The following TLE4 variants were observed in gnomAD, a reference collection of about 807,000 sequenced individuals.
The protein encoded by TLE4 is transducin-like enhancer protein 4.
A neutral mutation model predicts 92.8 loss-of-function variants in TLE4; 8 were observed. The ratio of observed to expected loss-of-function variants is 0.09; its 90% CI spans 0.05 to 0.16. TLE4 has a LOEUF of 0.16. Ranked by LOEUF, TLE4 falls within the 10% of genes least tolerant of loss-of-function variation. The pLI is 1.00. For missense variants in TLE4, 675 were observed against 997.6 expected, an observed-to-expected ratio of 0.68 and a Z score of 4.36; for synonymous variants, 371 against 374.1, an observed-to-expected ratio of 0.99 and a Z score of 0.10.
intron 8 of TLE4, among the ~76,000 whole-genome samples, chr9:79,657,673 G>A (rs1388547007): frequency 6.6e-6 from 1 of 152,194 alleles, no homozygotes; most frequent in Non-Finnish European, 1.5e-5. Flanking sequence ...AGCTGTGAAG[G>A]CCAAAATTGC....
chr9:79,639,168 G>T (rs1388658955), intron 6 of TLE4, among the ~76,000 whole-genome samples: 2 of 152,088 alleles, frequency 1.3e-5, no homozygotes, highest in Non-Finnish European at 2.9e-5. Context: ...TTTGAGGGAT[G>T]CCACATGAAT....
intron 6 of TLE4, among the ~76,000 whole-genome samples, chr9:79,642,959 C>G (rs539656491): frequency 3.5e-4 from 54 of 152,180 alleles, no homozygotes; most frequent in Non-Finnish European, 7.2e-4. Flanking sequence ...TAGTAAATCT[C>G]ATGTTGTAAG....
At chr9:79,622,626 G>A (rs1281302302) in intron 5 of TLE4, among the ~76,000 whole-genome samples, 1 of 152,086 alleles carries the variant, frequency 6.6e-6, no homozygotes, top group Admixed American at 6.5e-5. Context: ...TTCACTGACT[G>A]TTTTCCTTGA....
At chr9:79,612,562 A>T in intron 4 of TLE4, 94 bp from the exon 5 acceptor site, 1 of 1,159,742 alleles carries the variant, frequency 8.6e-7, no homozygotes, top group South Asian at 1.2e-5. Flanking sequence ...GCCAAATTAT[A>T]AAGTATGTTT....
At chr9:79,718,994 G>T (rs2075100678) in intron 15 of TLE4, 23 bp downstream of exon 15, 1 of 1,588,628 alleles carries the variant, frequency 6.3e-7, no homozygotes, top group Non-Finnish European at 8.6e-7. Context: ...GGATGAACAA[G>T]ACTTAGACTT....
intron 4 of TLE4, among the ~76,000 whole-genome samples, chr9:79,582,390 C>G (rs1435549349): frequency 6.6e-6 from 1 of 152,144 alleles, no homozygotes; most frequent in Non-Finnish European, 1.5e-5. Context: ...TCACTTTGAT[C>G]TGTGTAGGAA....
intron 4 of TLE4, among the ~76,000 whole-genome samples, chr9:79,609,048 T>A: frequency 6.6e-6 from 1 of 152,094 alleles, no homozygotes; most frequent in Non-Finnish European, 1.5e-5. Flanking sequence ...ATGTATTTGG[T>A]ATTGTGTGCG....
At chr9:79,661,444 G>A (rs571222472) in intron 8 of TLE4, among the ~76,000 whole-genome samples, 1 of 152,220 alleles carries the variant, frequency 6.6e-6, no homozygotes, top group East Asian at 1.9e-4. Context: ...CTTTAATAAG[G>A]GCTGTAATTT....
At chr9:79,721,104 C>T (rs1056909845) in intron 16 of TLE4, among the ~76,000 whole-genome samples, 2 of 152,174 alleles carry the variant, frequency 1.3e-5, no homozygotes, top group African/African-American at 4.8e-5. Context: ...CTATAGATCC[C>T]AAAACAAATC....
chr9:79,655,838 C>G (rs768702635), intron 8 of TLE4, among the ~76,000 whole-genome samples: 14 of 152,152 alleles, frequency 9.2e-5, no homozygotes, highest in Non-Finnish European at 1.3e-4. Context: ...GTCCAGTGAA[C>G]TAAACAAAAG....
At chr9:79,576,392 A>T (rs2037770478) in intron 4 of TLE4, 3 of 343,960 alleles carry the variant, frequency 8.7e-6, no homozygotes, top group Non-Finnish European at 1.6e-5. Flanking sequence ...TATTTTAAAA[A>T]GTCTGAATAC....
In TLE4 at chr9:79,606,392, ATACT is replaced by A. The variant is rs1347831003; in HGVS notation, c.253-6262_253-6259del. Among the ~76,000 whole-genome samples, 4 of 135,564 alleles carry A rather than the reference ATACT, an allele frequency of 3.0e-5. 1 individual carries two copies. The Middle Eastern group carries it at 0.011, about 385-fold the overall frequency. 88.9% of individuals were successfully genotyped at this position (135,564 alleles called of 152,430 possible). ...GTGTGTGTTTTTTTTTTTTTTTTAAATACTTTTTAAGTTCTAGGGTGCATGTGCA... is the reference window on the plus strand; with the variant it reads ...GTGTGTGTTTTTTTTTTTTTTTTAAATTTTAAGTTCTAGGGTGCATGTGCA... On this transcript the variant is annotated intron_variant, in intron 4 of 19. Coordinates refer to ENST00000376552, the MANE Select transcript of TLE4 (RefSeq NM_007005.6).
At chr9:79,713,786 C>T (rs962208179) in intron 14 of TLE4, among the ~76,000 whole-genome samples, 1 of 152,112 alleles carries the variant, frequency 6.6e-6, no homozygotes, top group African/African-American at 2.4e-5. Context: ...ACTTGTCATC[C>T]TTGCCCTTGC....
chr9:79,707,303 C>T (rs1410899322), intron 11 of TLE4: 3 of 1,116,660 alleles, frequency 2.7e-6, no homozygotes, highest in African/African-American at 3.1e-5. Context: ...ATAATTTTCC[C>T]TTCCTATCTA....
At chr9:79,589,808 G>T (rs1399497533) in intron 4 of TLE4, among the ~76,000 whole-genome samples, 1 of 152,064 alleles carries the variant, frequency 6.6e-6, no homozygotes, top group Non-Finnish European at 1.5e-5. Flanking sequence ...GACGTTTCTG[G>T]CCTGATTCTA....
At chr9:79,714,988 A>T (rs893985904) in intron 14 of TLE4, among the ~76,000 whole-genome samples, 1 of 152,166 alleles carries the variant, frequency 6.6e-6, no homozygotes, top group Admixed American at 6.5e-5. Flanking sequence ...AGTGCCTTCT[A>T]TGTATACTAA....
At chr9:79,668,944 G>T (rs2061830038) in intron 8 of TLE4, 1 of 528,220 alleles carries the variant, frequency 1.9e-6, no homozygotes, top group African/African-American at 2.1e-5. Context: ...ATCAATGCAG[G>T]TTACTGGACA....
At chr9:79,580,078 A>ATTT (rs2039188149) in intron 4 of TLE4, 1 of 152,236 alleles carries the variant, frequency 6.6e-6, no homozygotes. Flanking sequence ...GTTGTTAAGA[A>ATTT]GAAATTGACT....
chr9:79,680,327 C>T (rs2064242747), intron 8 of TLE4, among the ~76,000 whole-genome samples: 1 of 151,968 alleles, frequency 6.6e-6, no homozygotes, highest in Admixed American at 6.6e-5. Context: ...TGAAGAGGTC[C>T]TTCACATCCC....
Sources: allele counts gnomAD v4.1 joint callset (sites outside exome capture counted in the v4.1 genomes callset), GRCh38; gene constraint gnomAD v4.1.1; transcripts MANE v1.5; gene names NCBI Gene and HGNC (gene_info 2026-07-23, HGNC 2026-07-21).